TENM3: variants seen among roughly 807,000 people sequenced by gnomAD.
TENM3 encodes teneurin transmembrane protein 3.
A neutral mutation model predicts 255.1 loss-of-function variants in TENM3; 63 were observed. The ratio of observed to expected loss-of-function variants is 0.25; its 90% confidence interval spans 0.20 to 0.30. The LOEUF (loss-of-function observed/expected upper bound fraction) is 0.30. Among genes scored for constraint, TENM3 ranks in the 10% least tolerant of loss-of-function variants. The pLI is 1.00. For synonymous variants in TENM3, 1,306 were observed against 1,322.3 expected, an observed-to-expected ratio of 0.99 and a Z score of 0.27; for missense variants, 2,929 against 3,461.1, an observed-to-expected ratio of 0.85 and a Z score of 3.86.
At chr4:182,749,906 G>C (rs1370145181) in intron 19 of TENM3, among the ~76,000 whole-genome samples, 1 of 152,116 alleles carries the variant, frequency 6.6e-6, no homozygotes, top group Non-Finnish European at 1.5e-5. Context: ...GACTCAGCTT[G>C]GTGGAGTTGC....
chr4:181,548,590 C>G, the TENM3 span, among the ~76,000 whole-genome samples: 1 of 152,076 alleles, frequency 6.6e-6, no homozygotes, highest in African/African-American at 2.4e-5. Flanking sequence ...ATAATTTCCA[C>G]GTGGATTCCT....
At chr4:181,870,055 CT>C in the TENM3 span, among the ~76,000 whole-genome samples, 1 of 152,154 alleles carries the variant, frequency 6.6e-6, no homozygotes, top group Non-Finnish European at 1.5e-5. Flanking sequence ...TACCCTTGAC[CT>C]TCATTGAAAG....
At chr4:181,606,488 C>T in the TENM3 span, among the ~76,000 whole-genome samples, 1 of 152,044 alleles carries the variant, frequency 6.6e-6, no homozygotes, top group Non-Finnish European at 1.5e-5. Flanking sequence ...GTGTGCATGT[C>T]TGTGTGTGTA....
chr4:182,275,236 C>A (rs1043084668), intron 1 of TENM3, among the ~76,000 whole-genome samples: 2 of 152,170 alleles, frequency 1.3e-5, no homozygotes, highest in Non-Finnish European at 2.9e-5. Context: ...GTGTGATGGC[C>A]ATTTTTACAC....
At chr4:182,633,706 C>T (rs1448338471) in intron 5 of TENM3, among the ~76,000 whole-genome samples, 1 of 152,220 alleles carries the variant, frequency 6.6e-6, no homozygotes, top group Non-Finnish European at 1.5e-5. Flanking sequence ...TAGGAGGTTT[C>T]TTCTTTTAAC....
chr4:182,337,238 G>T (rs1285199523), intron 2 of TENM3, among the ~76,000 whole-genome samples: 1 of 152,144 alleles, frequency 6.6e-6, no homozygotes, highest in Admixed American at 6.5e-5. Flanking sequence ...TTGCTTATCA[G>T]ACATTACCTT....
At chr4:181,624,671 T>C in the TENM3 span, among the ~76,000 whole-genome samples, 4 of 152,258 alleles carry the variant, frequency 2.6e-5, no homozygotes, top group African/African-American at 9.6e-5. Flanking sequence ...GGATTTTCTC[T>C]ATGCTTTCTC....
chr4:181,498,385 A>C, the TENM3 span, among the ~76,000 whole-genome samples: 2 of 152,182 alleles, frequency 1.3e-5, no homozygotes, highest in African/African-American at 4.8e-5. Context: ...CTGGTTTGGC[A>C]GGTCAGATGT....
chr4:181,485,385 A>G, the TENM3 span, among the ~76,000 whole-genome samples: 10 of 152,158 alleles, frequency 6.6e-5, no homozygotes, highest in Admixed American at 5.2e-4. Flanking sequence ...ATATAAAACT[A>G]AGAGATTAAT....
the TENM3 span, among the ~76,000 whole-genome samples, chr4:182,027,439 T>G: frequency 7.4e-4 from 113 of 152,292 alleles, 1 homozygote; most frequent in Middle Eastern, 3.4e-3. Context: ...TTTGACTTCT[T>G]CTTTCCAATT....
At chr4:182,162,297 T>G (rs1751403501) in intron 1 of TENM3, among the ~76,000 whole-genome samples, 1 of 152,188 alleles carries the variant, frequency 6.6e-6, no homozygotes, top group Non-Finnish European at 1.5e-5. Context: ...CAGTTATCAT[T>G]TATTAAACAC....
the TENM3 span, among the ~76,000 whole-genome samples, chr4:181,479,907 A>G: frequency 2.0e-5 from 3 of 152,154 alleles, no homozygotes; most frequent in African/African-American, 7.2e-5. Context: ...AGTGCTTTGT[A>G]AAATTTTCAG....
the TENM3 span, among the ~76,000 whole-genome samples, chr4:181,746,488 C>A: frequency 1.3e-5 from 2 of 151,902 alleles, no homozygotes; most frequent in African/African-American, 2.4e-5. Context: ...GGTGATGGAA[C>A]CTGATGATTC....
the TENM3 span, among the ~76,000 whole-genome samples, chr4:181,608,163 C>A: frequency 2.0e-5 from 3 of 152,232 alleles, no homozygotes; most frequent in South Asian, 2.1e-4. Context: ...GCCTCTGTAA[C>A]CCCAATTTCT....
the TENM3 span, among the ~76,000 whole-genome samples, chr4:181,674,495 A>T: frequency 2.0e-5 from 3 of 151,918 alleles, no homozygotes; most frequent in African/African-American, 7.3e-5. Context: ...TTTGTGCAAG[A>T]CTTCTCAGAA....
the TENM3 span, among the ~76,000 whole-genome samples, chr4:181,843,505 A>G: frequency 6.6e-6 from 1 of 152,196 alleles, no homozygotes; most frequent in South Asian, 2.1e-4. Context: ...GCAGATTTTT[A>G]GCTTTCATCA....
chr4:182,455,106 C>G (rs1422930665), intron 3 of TENM3, among the ~76,000 whole-genome samples: 2 of 152,128 alleles, frequency 1.3e-5, no homozygotes, highest in African/African-American at 2.4e-5. Context: ...TTATGTAACA[C>G]TAAAATCTCA....
At chr4:181,868,049 C>T in the TENM3 span, among the ~76,000 whole-genome samples, 1 of 152,066 alleles carries the variant, frequency 6.6e-6, no homozygotes. Context: ...AGGTAATTCC[C>T]TATATTTCTG....
intron 22 of TENM3, among the ~76,000 whole-genome samples, chr4:182,761,393 T>C (rs1002105567): frequency 1.3e-5 from 2 of 150,770 alleles, no homozygotes; most frequent in Admixed American, 1.3e-4. Context: ...CACTCCAGCC[T>C]GGGTGAAAAG....
Sources: gnomAD v4.1 joint callset for allele counts (sites outside exome capture counted in the v4.1 genomes callset) on GRCh38, gnomAD v4.1.1 for gene constraint, MANE v1.5 for transcripts, NCBI Gene and HGNC (gene_info 2026-07-23, HGNC 2026-07-21) for gene names.